The following NDUFA3 variants were observed in gnomAD, a reference collection of about 807,000 sequenced individuals.
NDUFA3 encodes the protein NADH dehydrogenase [ubiquinone] 1 alpha subcomplex subunit 3.
NDUFA3 carries 10 observed loss-of-function variants against 11.4 expected under a neutral mutation model. That is an observed-to-expected ratio of 0.87 (90% CI 0.54 to 1.48). NDUFA3 has a LOEUF of 1.48. Among genes scored for constraint, NDUFA3 ranks in the 40% most tolerant of loss-of-function variants. The pLI, the probability that NDUFA3 is intolerant of heterozygous loss-of-function variation, is 0.00. For missense variants in NDUFA3, 115 were observed against 110.5 expected, an observed-to-expected ratio of 1.04 and a Z score of -0.18; for synonymous variants, 39 against 46.9, an observed-to-expected ratio of 0.83 and a Z score of 0.68.
chr19:54,104,927 G>A (rs72656973), intron 2 of NDUFA3, among the ~76,000 whole-genome samples: 5,998 of 151,858 alleles, frequency 0.039, 120 homozygotes, highest in African/African-American at 0.04. Flanking sequence ...CAGTAGAGAC[G>A]GGGTTTCATC....
Position 54,107,172 on chromosome 19 carries a change from G to C in NDUFA3, c.*270G>C, listed in dbSNP as rs377342941. 1 of 1,612,260 alleles carries C rather than the reference G, an allele frequency of 6.2e-7. No individual in the cohort carries two copies. Among genetic ancestry groups the C allele is most frequent in the Non-Finnish European group, 8.5e-7 (1 of 1,179,576 alleles). On this transcript the variant is annotated 3_prime_UTR_variant, in exon 4 of 4. Coordinates refer to ENST00000485876, the MANE Select transcript of NDUFA3 (RefSeq NM_004542.4). ...CCAAAGTCTTCCTCAACCTTAATCT[G>C]CAGGAGATAAGGAACAAGGTGTTAA...
intron 2 of NDUFA3, among the ~76,000 whole-genome samples, chr19:54,104,134 G>T (rs1234814003): frequency 1.1e-4 from 11 of 96,388 alleles, no homozygotes; most frequent in African/African-American, 4.7e-4. Flanking sequence ...CGCCCGGCCA[G>T]CTTTTTTTTT....
chr19:54,103,695 T>A (rs1159615795), intron 2 of NDUFA3, among the ~76,000 whole-genome samples: 3 of 151,980 alleles, frequency 2.0e-5, no homozygotes, highest in African/African-American at 7.3e-5. Flanking sequence ...TAGCTTTTTT[T>A]TTTGCGATGG....
At chr19:54,105,433 TA>T (rs1219910739) in intron 2 of NDUFA3, among the ~76,000 whole-genome samples, 1 of 151,536 alleles carries the variant, frequency 6.6e-6, no homozygotes, top group Non-Finnish European at 1.5e-5. Context: ...CACGCCCGGC[TA>T]ATTTTCGTAT....
intron 3 of NDUFA3, 106 bp from the exon 4 acceptor site, chr19:54,106,704 AC>A (rs1455194789): frequency 1.1e-6 from 1 of 872,184 alleles, no homozygotes; most frequent in Non-Finnish European, 1.7e-6. Flanking sequence ...TTCCCCTCTC[AC>A]CCCTGGGGTC....
At chr19:54,103,378 A>C (rs988530152) in intron 2 of NDUFA3, among the ~76,000 whole-genome samples, 190 bp downstream of exon 2, 13 of 150,544 alleles carry the variant, frequency 8.6e-5, no homozygotes, top group African/African-American at 1.2e-4. Flanking sequence ...GTTCCTCTCC[A>C]CCTACCCAAT....
rs1316415018 is a variant in NDUFA3, at chr19:54,105,264, C to CCTTTTTTTTTTTTTTTTTT, written c.86-670_86-669insCTTTTTTTTTTTTTTTTTT. On this transcript the variant is annotated intron_variant, in intron 2 of 3. Coordinates refer to ENST00000485876, the MANE Select transcript of NDUFA3 (RefSeq NM_004542.4). ...ACCCTTTCTCCTCCAGTTTGTAAGG[C>CCTTTTTTTTTTTTTTTTTT]TTTTTTTTTTTTTTTTTTTTTGGTG... Among the ~76,000 whole-genome samples the CCTTTTTTTTTTTTTTTTTT allele has an allele frequency of 3.8e-4, 27 of 71,260 alleles. 5 individuals are homozygous for CCTTTTTTTTTTTTTTTTTT. The highest frequency in any genetic ancestry group is 1.0e-3 in the Admixed American group (5 of 4,976). 46.7% of individuals were successfully genotyped at this position (71,260 alleles called of 152,430 possible). A position where few individuals can be genotyped will look rare whatever the true frequency, so the allele number is the denominator to read the frequency against.
chr19:54,105,264 C>CTTTTTTTT (rs796770972), intron 2 of NDUFA3, among the ~76,000 whole-genome samples: 4 of 71,258 alleles, frequency 5.6e-5, no homozygotes, highest in Non-Finnish European at 7.6e-5. Flanking sequence ...GTTTGTAAGG[C>CTTTTTTTT]TTTTTTTTTT....
At chr19:54,104,579 C>A (rs1218799934) in intron 2 of NDUFA3, among the ~76,000 whole-genome samples, 1 of 152,156 alleles carries the variant, frequency 6.6e-6, no homozygotes, top group Admixed American at 6.6e-5. Flanking sequence ...CCACCAGCCA[C>A]AACTGGCCAC....
Position 54,102,869 on chromosome 19 carries a change from G to T in NDUFA3, c.-10G>T, listed in dbSNP as rs1201567990. 6.2e-7 allele frequency: 1 copy of T among 1,609,676 alleles called. No homozygotes were observed. Among genetic ancestry groups the T allele is most frequent in the Non-Finnish European group, 8.5e-7 (1 of 1,177,670 alleles). ...GCGTCCTCGCCGCTGTCGCCGCCGC[G>T]GAGACAAAGATGGCTGCGAGTAAGT... On this transcript the variant is annotated 5_prime_UTR_variant, in exon 1 of 4. Coordinates refer to ENST00000485876, the MANE Select transcript of NDUFA3 (RefSeq NM_004542.4).
Position 54,105,486 on chromosome 19 carries a change from C to G in NDUFA3, c.86-448C>G, listed in dbSNP as rs182252088. The G allele has an allele frequency of 2.4e-4, 70 of 294,454 alleles. 1 individual carries two copies. The highest frequency in any genetic ancestry group is 8.8e-4 in the Admixed American group (20 of 22,684). The allele number at this position is 294,454 out of a possible 1,614,324, so 18.2% of individuals were successfully genotyped here. ...GTTTCATCATGTTGTCCAGGCTGGT[C>G]GCGAACTCCTGACCTCAGGTGATCC... is the stretch of plus-strand genomic sequence containing the variant. On this transcript the variant is annotated intron_variant, in intron 2 of 3. Coordinates refer to ENST00000485876, the MANE Select transcript of NDUFA3 (RefSeq NM_004542.4).
At position 54,102,937 on chromosome 19, in the gene NDUFA3, C is replaced by T. The variant is rs370313861; in HGVS notation, c.10+49C>T. 1.9e-6 allele frequency: 3 copies of T among 1,600,444 alleles called. No homozygotes were observed. In the East Asian group the frequency reaches 6.7e-5, roughly 36 times the overall value. On this transcript the variant is annotated intron_variant, in intron 1 of 3. Transcript: ENST00000485876. Reference sequence around the variant, plus strand: ...ACGGGGCTCGGGTAGTTCTGGGAACCTCTGGGCGGTCCTGGGACTGAGGTG... The same window carrying T: ...ACGGGGCTCGGGTAGTTCTGGGAACTTCTGGGCGGTCCTGGGACTGAGGTG...
chr19:54,106,172 A>G (rs1372798708), intron 3 of NDUFA3, 161 bp downstream of exon 3: 7 of 672,200 alleles, frequency 1.0e-5, no homozygotes, highest in Non-Finnish European at 1.8e-5. Context: ...TAATTCGTAT[A>G]CTATTCTGTG....
At chr19:54,105,816 G>GGCCCTCCCTGCT (rs1300510704) in intron 2 of NDUFA3, 118 bp from the exon 3 acceptor site, 131 of 820,928 alleles carry the variant, frequency 1.6e-4, no homozygotes, top group Non-Finnish European at 2.5e-5. Context: ...TGGACGTGCT[G>GGCCCTCCCTGCT]GCCCTCCCTG....
Position 54,102,903 on chromosome 19 carries a change from C to A in NDUFA3, c.10+15C>A. 6.2e-7 allele frequency: 1 copy of A among 1,609,398 alleles called. No individual in the cohort carries two copies. On this transcript the variant is annotated intron_variant, in intron 1 of 3. Transcript: ENST00000485876. ...GATGGCTGCGAGTAAGTGCAGGTGC[C>A]GGTGGCGCACGGGGCTCGGGTAGTT...
chr19:54,105,488 C>T (rs1182010335), intron 2 of NDUFA3: 6 of 294,664 alleles, frequency 2.0e-5, no homozygotes, highest in Middle Eastern at 4.2e-4. Context: ...AGGCTGGTCG[C>T]GAACTCCTGA....
rs1474621286 is a variant in NDUFA3 at position 54,105,936 on chromosome 19, G to A, written c.88G>A (p.Val30Ile). The A allele has an allele frequency of 1.9e-6, 3 of 1,612,372 alleles. No homozygotes were observed. Among genetic ancestry groups the A allele is most frequent in the East Asian group, 4.5e-5 (2 of 44,854 alleles). ...CTCACCCCTGTGTCTCTCCACAGCT[G>A]TAATTCTGCCCCCATTGAGCCCCTA... is the stretch of plus-strand genomic sequence containing the variant. ...VVSFVVGGLA[V>I]ILPPLSPYFK... Residue 30 changes from valine to isoleucine, a missense_variant and splice_region_variant, in exon 3 of 4, where the codon GTA becomes ATA. Transcript: ENST00000485876.
At position 54,107,363 on chromosome 19, in the gene NDUFA3, C is replaced by T. The variant is rs587599296; in HGVS notation, c.*461C>T. On this transcript the variant is annotated 3_prime_UTR_variant, in exon 4 of 4. Coordinates refer to ENST00000485876, the MANE Select transcript of NDUFA3 (RefSeq NM_004542.4). ...TCCCAGGCTCAAGTGATCCTCCCACCTCAGCTTCCCAAGTAGCTGGGACTA... is the reference window on the plus strand; with the variant it reads ...TCCCAGGCTCAAGTGATCCTCCCACTTCAGCTTCCCAAGTAGCTGGGACTA... The T allele has an allele frequency of 1.5e-6, 1 of 686,622 alleles. No homozygotes were observed. Among genetic ancestry groups the T allele is most frequent in the Non-Finnish European group, 2.4e-6 (1 of 420,966 alleles). 42.5% of individuals were successfully genotyped at this position (686,622 alleles called of 1,614,324 possible). A position where few individuals can be genotyped will look rare whatever the true frequency, so the allele number is the denominator to read the frequency against.
chr19:54,104,441 C>T (rs1042210396), intron 2 of NDUFA3, among the ~76,000 whole-genome samples: 4 of 152,016 alleles, frequency 2.6e-5, no homozygotes, highest in African/African-American at 9.7e-5. Flanking sequence ...ACTGTAGGTT[C>T]TGATTCTGTA....
Sources: gnomAD v4.1 joint callset for allele counts (sites outside exome capture counted in the v4.1 genomes callset) on GRCh38, gnomAD v4.1.1 for gene constraint, MANE v1.5 for transcripts, NCBI Gene and HGNC (gene_info 2026-07-23, HGNC 2026-07-21) for gene names.